SLC44A3: variants seen among roughly 807,000 people sequenced by gnomAD.
SLC44A3 encodes the protein choline transporter-like protein 3.
In SLC44A3, 74 loss-of-function variants were observed where a neutral mutation model predicts 75.4. The observed-to-expected ratio is 0.98, with a 90% CI of 0.81 to 1.19. The LOEUF (loss-of-function observed/expected upper bound fraction) is 1.19. Among genes scored for constraint, SLC44A3 ranks in the 50% most tolerant of loss-of-function variants. The pLI is 0.00. For synonymous variants in SLC44A3, 310 were observed against 296.9 expected (o/e 1.04, Z -0.45); for missense variants, 700 against 778.6 (o/e 0.90, Z 1.20).
At chr1:94,866,288 C>T (rs543160950) in intron 11 of SLC44A3, among the ~76,000 whole-genome samples, 1 of 152,170 alleles carries the variant, frequency 6.6e-6, no homozygotes, top group Admixed American at 6.5e-5. Flanking sequence ...TCTGGGGAAA[C>T]GGCCTTTCAT....
chr1:94,868,975 G>A (rs1667469446), intron 12 of SLC44A3, among the ~76,000 whole-genome samples: 1 of 152,262 alleles, frequency 6.6e-6, no homozygotes, highest in Admixed American at 6.5e-5. Context: ...AGGAAGGGTG[G>A]GCCCTGGCCC....
At chr1:94,888,106 T>C (rs1426554550) in intron 12 of SLC44A3, among the ~76,000 whole-genome samples, 2 of 152,138 alleles carry the variant, frequency 1.3e-5, no homozygotes, top group South Asian at 2.1e-4. Flanking sequence ...GATGAGGAAA[T>C]TGAGGTCTTA....
At chr1:94,891,404 C>T in intron 13 of SLC44A3, 137 bp downstream of exon 13, 1 of 935,332 alleles carries the variant, frequency 1.1e-6, no homozygotes, top group Non-Finnish European at 1.6e-6. Context: ...ATTTAATCCT[C>T]AATCCCATGA....
chr1:94,883,082 CAG>C (rs1282079240), intron 12 of SLC44A3, among the ~76,000 whole-genome samples: 1 of 151,306 alleles, frequency 6.6e-6, no homozygotes, highest in Non-Finnish European at 1.5e-5. Context: ...GGCATTTCAG[CAG>C]AGAGAACCGC....
At chr1:94,840,787 A>C (rs1663523303) in intron 7 of SLC44A3, among the ~76,000 whole-genome samples, 1 of 152,232 alleles carries the variant, frequency 6.6e-6, no homozygotes, top group African/African-American at 2.4e-5. Context: ...CAGCCAGAAG[A>C]CACACAGGCC....
At chr1:94,836,748 A>C (rs1019761093) in intron 5 of SLC44A3, 8 of 152,010 alleles carry the variant, frequency 5.3e-5, no homozygotes, top group African/African-American at 1.9e-4. Flanking sequence ...CTGTCTCTAC[A>C]AAAAATGCAA....
At chr1:94,867,630 T>C (rs1375799049) in intron 12 of SLC44A3, among the ~76,000 whole-genome samples, 3 of 152,282 alleles carry the variant, frequency 2.0e-5, no homozygotes, top group African/African-American at 7.2e-5. Context: ...GATGTGGCTA[T>C]GTTCTAATGA....
At chr1:94,883,615 C>G (rs536121799) in intron 12 of SLC44A3, among the ~76,000 whole-genome samples, 18 of 152,180 alleles carry the variant, frequency 1.2e-4, no homozygotes, top group Non-Finnish European at 2.6e-4. Flanking sequence ...TCACTAAAAT[C>G]AGGATGCAGG....
At chr1:94,868,532 C>A (rs150681000) in intron 12 of SLC44A3, among the ~76,000 whole-genome samples, 8 of 152,232 alleles carry the variant, frequency 5.3e-5, no homozygotes, top group Non-Finnish European at 8.8e-5. Context: ...TACCATAGGA[C>A]CTTTCAGAAT....
chr1:94,864,891 A>G lies in SLC44A3; in HGVS notation c.1387A>G (p.Lys463Glu). ...IIVMYMQNAL[K>E]EQQHGALSRY... ...TGTCATGTACATGCAAAACGCACTG[A>G]AAGAACAGGTAAGGCTACCTCCTGA... Residue 463 changes from lysine to glutamate, a missense_variant, in exon 11 of 15, where the codon AAA becomes GAA. By Grantham distance (56) the Lys-to-Glu change is moderately conservative. Transcript: ENST00000271227. 6.2e-7 allele frequency: 1 copy of G among 1,613,726 alleles called. No homozygotes were observed. Among genetic ancestry groups the G allele is most frequent in the South Asian group, 1.1e-5 (1 of 91,018 alleles).
intron 9 of SLC44A3, among the ~76,000 whole-genome samples, chr1:94,846,267 C>T (rs151020201): frequency 2.0e-5 from 3 of 152,168 alleles, no homozygotes; most frequent in Non-Finnish European, 4.4e-5. Flanking sequence ...TTTTCATATC[C>T]ACACAGTGGT....
intron 12 of SLC44A3, among the ~76,000 whole-genome samples, chr1:94,877,852 A>ACT (rs1202956655): frequency 6.6e-6 from 1 of 152,130 alleles, no homozygotes; most frequent in African/African-American, 2.4e-5. Flanking sequence ...AGGTTGAATG[A>ACT]CTTCATCGGG....
At chr1:94,854,607 C>G (rs1397413550) in intron 9 of SLC44A3, among the ~76,000 whole-genome samples, 1 of 152,226 alleles carries the variant, frequency 6.6e-6, no homozygotes, top group Non-Finnish European at 1.5e-5. Flanking sequence ...CACGTCTACC[C>G]CACCCACAGG....
chr1:94,832,035 C>A (rs555413659), intron 5 of SLC44A3, among the ~76,000 whole-genome samples: 1 of 151,844 alleles, frequency 6.6e-6, no homozygotes, highest in African/African-American at 2.4e-5. Flanking sequence ...GGTGTGATGG[C>A]AGGCGCCTGT....
chr1:94,846,082 G>A (rs959025944), intron 9 of SLC44A3, among the ~76,000 whole-genome samples: 2 of 150,242 alleles, frequency 1.3e-5, no homozygotes, highest in Non-Finnish European at 2.9e-5. Flanking sequence ...GGGAGGTGGA[G>A]GTTGCAGTGA....
chr1:94,822,925 C>T (rs976637302), intron 2 of SLC44A3, among the ~76,000 whole-genome samples: 8 of 152,080 alleles, frequency 5.3e-5, no homozygotes, highest in Admixed American at 2.6e-4. Flanking sequence ...CTTGGAAGGC[C>T]GAGGCAGGAA....
chr1:94,854,114 AAG>A (rs1665557474), intron 9 of SLC44A3, among the ~76,000 whole-genome samples: 1 of 152,220 alleles, frequency 6.6e-6, no homozygotes, highest in South Asian at 2.1e-4. Flanking sequence ...TAAAAGCCAC[AAG>A]ACAGGACGAG....
chr1:94,837,627 TG>T (rs1403866629), intron 5 of SLC44A3, 83 bp from the exon 6 acceptor site: 1 of 1,363,704 alleles, frequency 7.3e-7, no homozygotes, highest in Non-Finnish European at 9.8e-7. Flanking sequence ...TAAGCTTTTT[TG>T]GTTATTGAGA....
chr1:94,837,812 T>C lies in SLC44A3; in HGVS notation c.611T>C (p.Ile204Thr). The C allele has an allele frequency of 6.2e-7, 1 of 1,612,936 alleles. No homozygotes were observed. Residue 204 changes from isoleucine (I) to threonine (T), a missense_variant, in exon 6 of 15, where the codon ATT becomes ACT. Transcript: ENST00000271227. ...LINDVDTLHR[I>T]LSGIMSGRDT... ...AATGATGTTGACACCCTCCACCGAA[T>C]TCTAAGTGGAATCATGTCGGGAAGA...
Sources: gnomAD v4.1 joint callset for allele counts (sites outside exome capture counted in the v4.1 genomes callset) on GRCh38, gnomAD v4.1.1 for gene constraint, MANE v1.5 for transcripts, NCBI Gene and HGNC (gene_info 2026-07-23, HGNC 2026-07-21) for gene names.